KDM2B: variants seen among roughly 807,000 people sequenced by gnomAD.
KDM2B encodes the protein lysine demethylase 2B.
KDM2B carries 26 observed loss-of-function variants against 150.0 expected under a neutral mutation model. That is an observed-to-expected ratio of 0.17 (90% CI 0.13 to 0.24). KDM2B has a LOEUF of 0.24. KDM2B is among the 10% of genes least tolerant of loss of function. KDM2B has a pLI of 1.00. For missense variants in KDM2B, 1,265 were observed against 1,816.9 expected, an observed-to-expected ratio of 0.70 and a Z score of 5.52; for synonymous variants, 734 against 729.5, an observed-to-expected ratio of 1.01 and a Z score of -0.10.
intron 17 of KDM2B, chr12:121,443,291 G>A (rs1283703089): frequency 6.8e-6 from 4 of 585,624 alleles, no homozygotes; most frequent in African/African-American, 1.9e-5. Context: ...GAGATGTGCA[G>A]CCGCCCATTC....
At chr12:121,465,688 A>C (rs781916469) in intron 12 of KDM2B, among the ~76,000 whole-genome samples, 1 of 152,208 alleles carries the variant, frequency 6.6e-6, no homozygotes, top group Non-Finnish European at 1.5e-5. Context: ...AAAATCAGCT[A>C]ACAGGAACCC....
At chr12:121,461,200 T>C (rs1364209133) in intron 12 of KDM2B, among the ~76,000 whole-genome samples, 4 of 152,126 alleles carry the variant, frequency 2.6e-5, no homozygotes, top group Admixed American at 6.6e-5. Flanking sequence ...ACGAAGTGGA[T>C]ATTCTAGGCA....
chr12:121,492,427 C>G (rs538781221), intron 12 of KDM2B, among the ~76,000 whole-genome samples: 1 of 151,858 alleles, frequency 6.6e-6, no homozygotes, highest in African/African-American at 2.4e-5. Flanking sequence ...CTTGCCTCAG[C>G]CTCCTGAGTA....
Position 121,507,021 on chromosome 12 carries a change from C to T in KDM2B, c.1647+2546G>A, listed in dbSNP as rs542500283. Among the ~76,000 whole-genome samples the T allele has an allele frequency of 1.3e-4, 19 of 149,494 alleles. No homozygotes were observed. The South Asian group carries it at 1.3e-3, about 10-fold the overall frequency. On this transcript the variant is annotated intron_variant, in intron 11 of 22. Transcript: ENST00000377071. ...CTGAGGCAGGAGAATGGTGTGAACC[C>T]GGGAGGTGGAGCTTGCAGTAAGCCG...
At chr12:121,529,343 A>G (rs1054126554) in intron 8 of KDM2B, among the ~76,000 whole-genome samples, 2 of 152,150 alleles carry the variant, frequency 1.3e-5, no homozygotes, top group African/African-American at 4.8e-5. Flanking sequence ...AGAACTGAAG[A>G]CTCCATGAAC....
chr12:121,427,961 A>C (rs1298441353), downstream of KDM2B, among the ~76,000 whole-genome samples: 4 of 152,236 alleles, frequency 2.6e-5, no homozygotes, highest in East Asian at 5.8e-4. Context: ...TATATTATTA[A>C]TGTTTGGAGG....
chr12:121,445,013 A>G (rs1555289824), intron 14 of KDM2B: 1 of 485,490 alleles, frequency 2.1e-6, no homozygotes, highest in African/African-American at 1.9e-5. Flanking sequence ...TGTGTTTGCC[A>G]TCTGCTGAGG....
At chr12:121,580,682 G>A (rs1028567136) in intron 1 of KDM2B, 104 bp downstream of exon 1, 3 of 1,435,106 alleles carry the variant, frequency 2.1e-6, no homozygotes, top group African/African-American at 1.4e-5. Context: ...GAAAGCCCCC[G>A]GGGCCTGGCA....
Position 121,468,183 on chromosome 12 carries a change from T to A in KDM2B, c.1735-14839A>T, listed in dbSNP as rs117510629. The A allele has an allele frequency of 0.015, 2,229 of 152,466 alleles. 48 individuals are homozygous for A. Among genetic ancestry groups the A allele is most frequent in the East Asian group, 0.12 (647 of 5,178 alleles). 9.4% of individuals were successfully genotyped at this position (152,466 alleles called of 1,614,324 possible). On this transcript the variant is annotated intron_variant, in intron 12 of 22. Coordinates refer to ENST00000377071, the MANE Select transcript of KDM2B (RefSeq NM_032590.5). This position sits in a 1 kb window ranked among gnomAD's most constrained non-coding sequence, Gnocchi z 4.0. ...CCAGAACCCAGCTCTCCTAGGAGACTGGCTGCCCCTTAGGCTGGCTGGGGA... is the reference window on the plus strand; with the variant it reads ...CCAGAACCCAGCTCTCCTAGGAGACAGGCTGCCCCTTAGGCTGGCTGGGGA...
At chr12:121,548,224 G>C (rs1425611208) in intron 6 of KDM2B, among the ~76,000 whole-genome samples, 3 of 152,028 alleles carry the variant, frequency 2.0e-5, no homozygotes, top group Non-Finnish European at 4.4e-5. Flanking sequence ...CAGAGATCGT[G>C]CCACTGCACT....
intron 12 of KDM2B, among the ~76,000 whole-genome samples, chr12:121,464,209 C>A (rs1433271215): frequency 6.6e-6 from 1 of 152,294 alleles, no homozygotes; most frequent in South Asian, 2.1e-4. Flanking sequence ...CTCCAGCCTG[C>A]GTGACAGAGC....
At chr12:121,553,209 C>T (rs555820660) in intron 4 of KDM2B, among the ~76,000 whole-genome samples, 21 of 150,938 alleles carry the variant, frequency 1.4e-4, no homozygotes, top group African/African-American at 4.6e-4. Flanking sequence ...ACAGCCTGGG[C>T]GACAGAGCAA....
intron 12 of KDM2B, among the ~76,000 whole-genome samples, chr12:121,473,392 A>AT (rs1243685607): frequency 1.3e-5 from 2 of 150,380 alleles, no homozygotes; most frequent in Non-Finnish European, 3.0e-5. Flanking sequence ...CTGTCTCAAA[A>AT]AAAAAAAAAA....
At chr12:121,570,310 C>T (rs920661994) in intron 4 of KDM2B, among the ~76,000 whole-genome samples, 4 of 152,030 alleles carry the variant, frequency 2.6e-5, no homozygotes, top group Non-Finnish European at 5.9e-5. Flanking sequence ...CCTCAGCCTC[C>T]GAAAGTGCTG....
intron 9 of KDM2B, among the ~76,000 whole-genome samples, chr12:121,517,038 G>C (rs1034434603): frequency 6.6e-6 from 1 of 151,958 alleles, no homozygotes; most frequent in Non-Finnish European, 1.5e-5. Context: ...GCCACTGGGA[G>C]GGGGGGAAAG....
chr12:121,474,372 T>C (rs1555296394), intron 12 of KDM2B, among the ~76,000 whole-genome samples: 1 of 151,918 alleles, frequency 6.6e-6, no homozygotes, highest in Non-Finnish European at 1.5e-5. Context: ...AAAAATTAGC[T>C]GGGCGCGGTA....
At chr12:121,562,381 G>C (rs1890407086) in intron 4 of KDM2B, among the ~76,000 whole-genome samples, 1 of 152,086 alleles carries the variant, frequency 6.6e-6, no homozygotes, top group South Asian at 2.1e-4. Flanking sequence ...CTACTCAGGA[G>C]GCTGAGCCAG....
chr12:121,443,726 C>A lies in KDM2B; in HGVS notation c.2519G>T (p.Ser840Ile). 1 of 1,611,990 alleles carries A rather than the reference C, an allele frequency of 6.2e-7. No individual in the cohort carries two copies. ...ACTGGATCTCCACCAGGGGCTGAGG[C>A]TGCTGCCTAGAGGGGGCCTCGGCGA... ...HLSPRPPLGS[S>I]LSPWWRSSLT... is the part of the protein sequence containing the mutation. The change falls in exon 17 of 23, where the codon AGC becomes ATC. Residue 840 changes from serine to isoleucine, a missense_variant. Transcript: ENST00000377071.
At chr12:121,557,422 TAG>T (rs1176545011) in intron 4 of KDM2B, among the ~76,000 whole-genome samples, 2 of 151,960 alleles carry the variant, frequency 1.3e-5, no homozygotes, top group African/African-American at 4.8e-5. Context: ...GTATTTTTAG[TAG>T]AGACGGGGTT....
Sources: gnomAD v4.1 joint callset for allele counts (sites outside exome capture counted in the v4.1 genomes callset) on GRCh38, gnomAD v4.1.1 for gene constraint, Gnocchi (gnomAD v3.1) non-coding constraint, MANE v1.5 for transcripts, NCBI Gene and HGNC (gene_info 2026-07-23, HGNC 2026-07-21) for gene names.